Variants in ST6GAL2 observed in about 807,000 individuals in gnomAD.
ST6GAL2 encodes beta-galactoside alpha-2,6-sialyltransferase 2.
Under a neutral mutation model 37.5 loss-of-function variants are expected in ST6GAL2, and 24 were observed. The observed-to-expected ratio is 0.64, with a 90% confidence interval of 0.46 to 0.90. The LOEUF (loss-of-function observed/expected upper bound fraction) is 0.90, where lower values mean the gene tolerates loss of function less well. ST6GAL2 is among the 40% of genes least tolerant of loss of function. ST6GAL2 has a pLI of 0.00. For synonymous variants in ST6GAL2, 306 were observed against 295.1 expected, an observed-to-expected ratio of 1.04 and a Z score of -0.38; for missense variants, 715 against 712.7, an observed-to-expected ratio of 1.00 and a Z score of -0.04.
chr2:106,803,244 G>A lies in ST6GAL2; in HGVS notation c.*3434C>T, dbSNP rs879742685. Reference sequence around the variant, plus strand: ...AGAGTCCAGGATTGATTAAGTGTCTGGCTGAGAGACCAAGAGGACCAGACA... The same window carrying A: ...AGAGTCCAGGATTGATTAAGTGTCTAGCTGAGAGACCAAGAGGACCAGACA... On this transcript the variant is annotated 3_prime_UTR_variant, in exon 6 of 6. Coordinates refer to ENST00000409382, the MANE Select transcript of ST6GAL2 (RefSeq NM_001142351.2). 3.3e-5 allele frequency: 5 copies of A among 152,186 alleles called. No homozygotes were observed. Among genetic ancestry groups the A allele is most frequent in the African/African-American group, 4.8e-5 (2 of 41,452 alleles). 9.4% of individuals were successfully genotyped at this position (152,186 alleles called of 1,614,324 possible).
intron 1 of ST6GAL2, among the ~76,000 whole-genome samples, chr2:106,867,475 C>T (rs935880620): frequency 3.9e-5 from 6 of 152,184 alleles, no homozygotes; most frequent in Non-Finnish European, 2.9e-5. Context: ...GTGCCAGGGA[C>T]ATCTAACTCT....
intron 3 of ST6GAL2, among the ~76,000 whole-genome samples, 164 bp downstream of exon 3, chr2:106,833,885 T>C (rs1676525340): frequency 6.6e-6 from 1 of 152,314 alleles, no homozygotes; most frequent in South Asian, 2.1e-4. Flanking sequence ...TGCAGTTTTC[T>C]TCATTAATTT....
chr2:106,808,484 A>G (rs1054264383), intron 5 of ST6GAL2, among the ~76,000 whole-genome samples: 1 of 152,146 alleles, frequency 6.6e-6, no homozygotes, highest in African/African-American at 2.4e-5. Flanking sequence ...TACTGGGTCA[A>G]TTCCTCTTGT....
At position 106,884,934 on chromosome 2, in the gene ST6GAL2, T is replaced by TATATATATATACACAC. The variant is rs1425070594; in HGVS notation, c.-58+1158_-58+1159insGTGTGTATATATATAT. On this transcript the variant is annotated intron_variant, in intron 1 of 5. Coordinates refer to ENST00000409382, the MANE Select transcript of ST6GAL2 (RefSeq NM_001142351.2). ...ATATATATATATATATATATATATA[T>TATATATATATACACAC]ACATACACACACACACATATATACA... Among the ~76,000 whole-genome samples the TATATATATATACACAC allele has an allele frequency of 6.0e-4, 72 of 120,456 alleles. 1 individual carries two copies. The highest frequency in any genetic ancestry group is 2.4e-3 in the African/African-American group (67 of 28,160). 79.0% of individuals were successfully genotyped at this position (120,456 alleles called of 152,430 possible). A position where few individuals can be genotyped will look rare whatever the true frequency, so the allele number is the denominator to read the frequency against.
chr2:106,868,420 C>T (rs1036055801), intron 1 of ST6GAL2, among the ~76,000 whole-genome samples: 8 of 152,102 alleles, frequency 5.3e-5, no homozygotes, highest in African/African-American at 1.7e-4. Context: ...TCATGCACCG[C>T]GCATCTCAGT....
chr2:106,884,934 T>TATATATATATATATATACACAC (rs1425070594), intron 1 of ST6GAL2, among the ~76,000 whole-genome samples: 5 of 120,468 alleles, frequency 4.2e-5, no homozygotes, highest in African/African-American at 1.4e-4. Context: ...TATATATATA[T>TATATATATATATATATACACAC]ACATACACAC....
chr2:106,826,854 G>A (rs576616562), intron 5 of ST6GAL2, among the ~76,000 whole-genome samples: 3 of 152,188 alleles, frequency 2.0e-5, no homozygotes. Context: ...GTATATACAT[G>A]TATCTAATGA....
intron 5 of ST6GAL2, among the ~76,000 whole-genome samples, chr2:106,814,689 T>C (rs866189251): frequency 3.3e-5 from 5 of 152,204 alleles, no homozygotes; most frequent in Non-Finnish European, 7.3e-5. Flanking sequence ...CTGGATGCCC[T>C]ACTGCATGCA....
chr2:106,839,891 T>TA (rs1472393239), intron 2 of ST6GAL2, among the ~76,000 whole-genome samples: 1 of 152,170 alleles, frequency 6.6e-6, no homozygotes, highest in Non-Finnish European at 1.5e-5. Context: ...CCAAAACAAT[T>TA]AGTTTGTTTT....
intron 4 of ST6GAL2, among the ~76,000 whole-genome samples, chr2:106,831,635 G>A (rs1243145402): frequency 6.6e-6 from 1 of 152,172 alleles, no homozygotes; most frequent in East Asian, 1.9e-4. Context: ...ATACTCTCCA[G>A]GTGATTTTGA....
intron 4 of ST6GAL2, among the ~76,000 whole-genome samples, chr2:106,830,574 C>T (rs1454311899): frequency 4.6e-5 from 7 of 152,200 alleles, no homozygotes; most frequent in South Asian, 2.1e-4. Flanking sequence ...CTCTACTCAA[C>T]GGTACCATCG....
In ST6GAL2 at chr2:106,817,739, C is replaced by T. The variant is rs552497358; in HGVS notation, c.1319-10790G>A. 3.9e-5 allele frequency among the ~76,000 whole-genome samples: 6 copies of T among 152,318 alleles called. No homozygotes were observed. In the South Asian group the frequency reaches 1.2e-3, roughly 32 times the overall value. Reference sequence around the variant, plus strand: ...CTTGCAGCAAAGGTACCAGCTTGGGCAAAGTGGGTTAGAGCACCAAGCAGG... The same window carrying T: ...CTTGCAGCAAAGGTACCAGCTTGGGTAAAGTGGGTTAGAGCACCAAGCAGG... On this transcript the variant is annotated intron_variant, in intron 5 of 5. Transcript: ENST00000409382.
rs1252035408 is a variant in ST6GAL2 at position 106,806,101 on chromosome 2, T to C, written c.*577A>G. 3 of 152,700 alleles carry C rather than the reference T, an allele frequency of 2.0e-5. No individual in the cohort carries two copies. In the East Asian group the frequency reaches 5.8e-4, roughly 29 times the overall value. 9.5% of individuals were successfully genotyped at this position (152,700 alleles called of 1,614,324 possible). On this transcript the variant is annotated 3_prime_UTR_variant, in exon 6 of 6. Transcript: ENST00000409382. Reference sequence around the variant, plus strand: ...AGAAAGCAAAGCATTCAGTGGGCAATGGGAGGCAGAGATGAAGAATGCAAC... The same window carrying C: ...AGAAAGCAAAGCATTCAGTGGGCAACGGGAGGCAGAGATGAAGAATGCAAC...
chr2:106,856,806 A>G (rs1347993206), intron 1 of ST6GAL2, among the ~76,000 whole-genome samples: 2 of 152,188 alleles, frequency 1.3e-5, no homozygotes, highest in African/African-American at 4.8e-5. Context: ...GTTGTTGAAA[A>G]TAACCAAGAA....
At chr2:106,847,710 T>C (rs978482269) in intron 1 of ST6GAL2, among the ~76,000 whole-genome samples, 1 of 152,202 alleles carries the variant, frequency 6.6e-6, no homozygotes, top group South Asian at 2.1e-4. Context: ...TTTGCTAACA[T>C]GACTAACAGA....
chr2:106,867,402 T>G (rs1215481118), intron 1 of ST6GAL2, among the ~76,000 whole-genome samples: 4 of 152,204 alleles, frequency 2.6e-5, no homozygotes, highest in Non-Finnish European at 1.5e-5. Context: ...TTCTTAAGTT[T>G]TTCCCCTTTC....
intron 1 of ST6GAL2, among the ~76,000 whole-genome samples, chr2:106,862,587 T>C (rs889244515): frequency 7.2e-5 from 11 of 152,046 alleles, no homozygotes; most frequent in Admixed American, 2.6e-4. Flanking sequence ...AGTTAAGGCA[T>C]GTATGGCTAC....
intron 1 of ST6GAL2, among the ~76,000 whole-genome samples, chr2:106,857,814 G>A (rs1677638390): frequency 6.6e-6 from 1 of 152,064 alleles, no homozygotes; most frequent in South Asian, 2.1e-4. Flanking sequence ...TGAGCAGCAC[G>A]GCCGAAGGAG....
intron 5 of ST6GAL2, chr2:106,823,015 A>G (rs1020114200): frequency 4.6e-5 from 7 of 152,224 alleles, no homozygotes; most frequent in African/African-American, 1.7e-4. Context: ...TTCTGAAATC[A>G]GGTGTTTTTC....
Sources: gnomAD v4.1 joint callset for allele counts (sites outside exome capture counted in the v4.1 genomes callset) on GRCh38, gnomAD v4.1.1 for gene constraint, MANE v1.5 for transcripts, NCBI Gene and HGNC (gene_info 2026-07-23, HGNC 2026-07-21) for gene names.